ZNF583: variants seen among roughly 807,000 people sequenced by gnomAD.
ZNF583 encodes the protein zinc finger protein 583.
A neutral mutation model predicts 55.3 loss-of-function variants in ZNF583; 30 were observed. The observed-to-expected ratio is 0.54, with a 90% CI of 0.41 to 0.74. The LOEUF (loss-of-function observed/expected upper bound fraction) is 0.74. Ranked by LOEUF, ZNF583 falls within the 30% of genes least tolerant of loss-of-function variation. The probability of loss-of-function intolerance (pLI) is 0.00; values close to 1 mark genes in which losing one functional copy is unlikely to be tolerated. For missense variants in ZNF583, 504 were observed against 664.7 expected (o/e 0.76, Z 2.66); for synonymous variants, 208 against 220.0 (o/e 0.95, Z 0.48).
At chr19:56,416,465 T>C (rs2042324565) in intron 4 of ZNF583, among the ~76,000 whole-genome samples, 1 of 152,012 alleles carries the variant, frequency 6.6e-6, no homozygotes, top group Non-Finnish European at 1.5e-5. Context: ...TCATAAAATA[T>C]TTTCTCCTTA....
rs1434741296 is a variant in ZNF583, at chr19:56,424,324, T to C, written c.1666T>C (p.Ser556Pro). ...CTTGACTCTTTCCTCTCCCTCACCC[T>C]CCACATCAAATCAGTTGCCAAGACC... Reference protein sequence around the residue: ...SFLTLSSPSPSTSNQLPRPVG... With the variant: ...SFLTLSSPSPPTSNQLPRPVG... The change falls in exon 5 of 5, where the codon TCC becomes CCC. Residue 556 changes from serine to proline, a missense_variant. Around this residue, in one of 3 missense-constraint regions of ZNF583, gnomAD observed 63 missense variants for 56.5 expected, o/e 1.11. Coordinates refer to ENST00000333201, the MANE Select transcript of ZNF583 (RefSeq NM_152478.3). 3.1e-6 allele frequency: 5 copies of C among 1,593,386 alleles called. No individual in the cohort carries two copies. The highest frequency in any genetic ancestry group is 3.4e-6 in the Non-Finnish European group (4 of 1,161,760).
In ZNF583 at chr19:56,425,791, A is replaced by C. The variant is rs2042488539; in HGVS notation, c.*1423A>C. 1 of 152,232 alleles carries C rather than the reference A, an allele frequency of 6.6e-6. No homozygotes were observed. The highest frequency in any genetic ancestry group is 2.4e-5 in the African/African-American group (1 of 41,460). The allele number at this position is 152,232 out of a possible 1,614,324, so 9.4% of individuals were successfully genotyped here. On this transcript the variant is annotated 3_prime_UTR_variant, in exon 5 of 5. Coordinates refer to ENST00000333201, the MANE Select transcript of ZNF583 (RefSeq NM_152478.3). ...GTCAGTTCTCATAAACTGGCCCACA[A>C]ACATGTTTGATTCTGTATGCATTAA...
Position 56,419,195 on chromosome 19 carries a change from CTTTTTTT to C in ZNF583, c.233-3683_233-3677del, listed in dbSNP as rs57785686. ...TGTGCTACATTGGTCTGCAGGTTTA[CTTTTTTT>C]TTTTTTTTTTTTGAGATGGAGTCTT... On this transcript the variant is annotated intron_variant, in intron 4 of 4. Coordinates refer to ENST00000333201, the MANE Select transcript of ZNF583 (RefSeq NM_152478.3). Among the ~76,000 whole-genome samples the C allele has an allele frequency of 8.8e-5, 10 of 114,004 alleles. No individual in the cohort carries two copies. The South Asian group carries it at 3.0e-3, about 34-fold the overall frequency. 74.8% of individuals were successfully genotyped at this position (114,004 alleles called of 152,430 possible). A position where few individuals can be genotyped will look rare whatever the true frequency, so the allele number is the denominator to read the frequency against.
chr19:56,410,977 A>T (rs2042229364), intron 2 of ZNF583, among the ~76,000 whole-genome samples: 1 of 151,962 alleles, frequency 6.6e-6, no homozygotes, highest in Non-Finnish European at 1.5e-5. Flanking sequence ...TCTTTAACTT[A>T]AAAAGGGAAA....
intron 3 of ZNF583, 63 bp downstream of exon 3, chr19:56,414,148 G>T: frequency 6.5e-7 from 1 of 1,547,666 alleles, no homozygotes; most frequent in Non-Finnish European, 8.7e-7. Flanking sequence ...GTAATATTTG[G>T]GAAACCTCTG....
At position 56,426,197 on chromosome 19, in the gene ZNF583, A is replaced by G. The variant is rs999366366; in HGVS notation, c.*1829A>G. 1 of 152,234 alleles carries G rather than the reference A, an allele frequency of 6.6e-6. No individual in the cohort carries two copies. The highest frequency in any genetic ancestry group is 2.4e-5 in the African/African-American group (1 of 41,476). The allele number at this position is 152,234 out of a possible 1,614,324, so 9.4% of individuals were successfully genotyped here. A position where few individuals can be genotyped will look rare whatever the true frequency, so the allele number is the denominator to read the frequency against. On this transcript the variant is annotated 3_prime_UTR_variant, in exon 5 of 5. Coordinates refer to ENST00000333201, the MANE Select transcript of ZNF583 (RefSeq NM_152478.3). Reference sequence around the variant, plus strand: ...ATTCATGCTGTTACACATATAAAGAAAATTATAACAAAAGTGACCTATACC... The same window carrying G: ...ATTCATGCTGTTACACATATAAAGAGAATTATAACAAAAGTGACCTATACC...
At chr19:56,418,160 CA>C (rs1194245002) in intron 4 of ZNF583, among the ~76,000 whole-genome samples, 4 of 152,126 alleles carry the variant, frequency 2.6e-5, no homozygotes, top group Admixed American at 2.6e-4. Flanking sequence ...AATTTCTGCT[CA>C]AAAAACTTAG....
intron 4 of ZNF583, among the ~76,000 whole-genome samples, chr19:56,417,129 T>C (rs2042338115): frequency 6.6e-6 from 1 of 152,246 alleles, no homozygotes; most frequent in African/African-American, 2.4e-5. Context: ...AGTTTGGGGC[T>C]ATTATAAATA....
At chr19:56,420,596 G>A (rs367858556) in intron 4 of ZNF583, among the ~76,000 whole-genome samples, 28 of 152,158 alleles carry the variant, frequency 1.8e-4, no homozygotes, top group East Asian at 7.7e-4. Context: ...GTTATATTAG[G>A]TGCACAGACA....
At position 56,418,737 on chromosome 19, in the gene ZNF583, A is replaced by C. The variant is rs960904420; in HGVS notation, c.233-4154A>C. Among the ~76,000 whole-genome samples, 22 of 151,626 alleles carry C rather than the reference A, an allele frequency of 1.5e-4. 1 individual carries two copies. Among genetic ancestry groups the C allele is most frequent in the Admixed American group, 2.0e-4 (3 of 15,200 alleles). ...CAGTTTTTTTTTCCTTCTGATCCTT[A>C]TACCTTATTTTTCTTGATATATTGC... On this transcript the variant is annotated intron_variant, in intron 4 of 4. Transcript: ENST00000333201.
Position 56,421,018 on chromosome 19 carries a change from C to A in ZNF583, c.233-1873C>A, listed in dbSNP as rs943390682. ...AATTCCATTTTATTTTATCTGCTGG[C>A]TTGTTGTACCTTTTTATATTATGCT... On this transcript the variant is annotated intron_variant, in intron 4 of 4. Transcript: ENST00000333201. 2.0e-5 allele frequency among the ~76,000 whole-genome samples: 3 copies of A among 151,990 alleles called. 1 individual carries two copies. In the South Asian group the frequency reaches 6.2e-4, roughly 32 times the overall value.
chr19:56,412,417 C>T (rs1051938685), intron 2 of ZNF583, among the ~76,000 whole-genome samples: 18 of 152,120 alleles, frequency 1.2e-4, no homozygotes, highest in African/African-American at 3.9e-4. Flanking sequence ...ATTCAACATT[C>T]GGTAGTATTA....
At chr19:56,417,892 G>A (rs372485253) in intron 4 of ZNF583, among the ~76,000 whole-genome samples, 18 of 152,208 alleles carry the variant, frequency 1.2e-4, no homozygotes, top group African/African-American at 4.3e-4. Flanking sequence ...CCTTTGTCAG[G>A]AAAGACTTTC....
Position 56,407,113 on chromosome 19 carries a change from C to T in ZNF583, c.-2C>T. 1 of 1,614,086 alleles carries T rather than the reference C, an allele frequency of 6.2e-7. No homozygotes were observed. The highest frequency in any genetic ancestry group is 8.5e-7 in the Non-Finnish European group (1 of 1,179,996). On this transcript the variant is annotated 5_prime_UTR_variant, in exon 2 of 5. Transcript: ENST00000333201. ...CTGTCAAATTCTGGAATCCTTAAAGCCATGTCCAAGGTAAGGAAGCATTTC... is the reference window on the plus strand; with the variant it reads ...CTGTCAAATTCTGGAATCCTTAAAGTCATGTCCAAGGTAAGGAAGCATTTC...
rs1286005093 is a variant in ZNF583, at chr19:56,423,685, C to A, written c.1027C>A (p.Gln343Lys). 6.2e-7 allele frequency: 1 copy of A among 1,613,962 alleles called. No individual in the cohort carries two copies. Among genetic ancestry groups the A allele is most frequent in the Non-Finnish European group, 8.5e-7 (1 of 1,180,000 alleles). ...TAATGGTTCATTTCTTGCTCAGCAT[C>A]AGAGAATTCATACAGGAGAGAAACC... ...FSNGSFLAQH[Q>K]RIHTGEKPYV... The change falls in exon 5 of 5, where the codon CAG (glutamine) becomes AAG (lysine). Residue 343 changes from glutamine to lysine, a missense_variant. This residue lies in a region of ZNF583 where 237 missense variants were observed against 373.0 expected (regional missense o/e 0.64). Coordinates refer to ENST00000333201, the MANE Select transcript of ZNF583 (RefSeq NM_152478.3).
In ZNF583 at chr19:56,424,842, G is replaced by T. The variant is rs921246203; in HGVS notation, c.*474G>T. 6.4e-6 allele frequency: 1 copy of T among 155,274 alleles called. No homozygotes were observed. The highest frequency in any genetic ancestry group is 2.4e-5 in the African/African-American group (1 of 41,436). 9.6% of individuals were successfully genotyped at this position (155,274 alleles called of 1,614,324 possible). ...AGCTTCAGTCTTATTTATAGTGTGG[G>T]AATAATAATGGTTCTACCTCAGAAG... On this transcript the variant is annotated 3_prime_UTR_variant, in exon 5 of 5. Transcript: ENST00000333201.
intron 2 of ZNF583, among the ~76,000 whole-genome samples, chr19:56,409,451 T>C (rs559251872): frequency 1.3e-5 from 2 of 152,002 alleles, no homozygotes; most frequent in Admixed American, 1.3e-4. Flanking sequence ...TCCTGAATCA[T>C]GGTCTCTTGG....
At chr19:56,419,445 C>T (rs1299281860) in intron 4 of ZNF583, among the ~76,000 whole-genome samples, 7 of 152,128 alleles carry the variant, frequency 4.6e-5, no homozygotes, top group South Asian at 2.1e-4. Flanking sequence ...CCACCTGCCT[C>T]GGCCTCCCAA....
intron 2 of ZNF583, among the ~76,000 whole-genome samples, chr19:56,408,338 A>G (rs2042186265): frequency 6.6e-6 from 1 of 152,242 alleles, no homozygotes; most frequent in South Asian, 2.1e-4. Flanking sequence ...GATGATTGAC[A>G]ATAGAAATGT....
Sources: allele counts gnomAD v4.1 joint callset (sites outside exome capture counted in the v4.1 genomes callset), GRCh38; gene constraint gnomAD v4.1.1; regional missense constraint gnomAD v4.1.1; transcripts MANE v1.5; gene names NCBI Gene and HGNC (gene_info 2026-07-23, HGNC 2026-07-21).